The following ACTR10 variants were observed in gnomAD, a reference collection of about 807,000 sequenced individuals.
ACTR10 encodes the protein actin related protein 10.
A neutral mutation model predicts 56.2 loss-of-function variants in ACTR10; 43 were observed. The observed-to-expected ratio is 0.77, with a 90% CI of 0.60 to 0.99. ACTR10 has a LOEUF of 0.99. ACTR10 is among the 50% of genes least tolerant of loss of function. The pLI, the probability that ACTR10 is intolerant of heterozygous loss-of-function variation, is 0.00. For missense variants in ACTR10, 466 were observed against 507.8 expected, an observed-to-expected ratio of 0.92 and a Z score of 0.79; for synonymous variants, 170 against 176.3, an observed-to-expected ratio of 0.96 and a Z score of 0.28.
Position 58,211,187 on chromosome 14 carries a change from A to G in ACTR10, c.343-105A>G, listed in dbSNP as rs1047485815. On this transcript the variant is annotated intron_variant, in intron 4 of 12. Transcript: ENST00000254286. ...AGTAGGTATCACCATATAAATTAATATAATGTTCCTGTGAATTTTTTCAAA... is the reference window on the plus strand; with the variant it reads ...AGTAGGTATCACCATATAAATTAATGTAATGTTCCTGTGAATTTTTTCAAA... The G allele has an allele frequency of 8.8e-6, 7 of 793,274 alleles. No individual in the cohort carries two copies. In the African/African-American group the frequency reaches 1.0e-4, roughly 12 times the overall value. 49.1% of individuals were successfully genotyped at this position (793,274 alleles called of 1,614,324 possible). A position where few individuals can be genotyped will look rare whatever the true frequency, so the allele number is the denominator to read the frequency against.
At chr14:58,227,667 C>T (rs192163750) in intron 10 of ACTR10, among the ~76,000 whole-genome samples, 3 of 152,262 alleles carry the variant, frequency 2.0e-5, no homozygotes, top group Admixed American at 1.3e-4. Context: ...CAGCTATGCC[C>T]GTTCAGCATA....
intron 7 of ACTR10, among the ~76,000 whole-genome samples, chr14:58,216,004 A>T: frequency 7.2e-6 from 1 of 139,532 alleles, no homozygotes; most frequent in African/African-American, 2.7e-5. Context: ...CTTCCACACC[A>T]TTGAACACCC....
At chr14:58,217,311 C>T (rs1219865104) in intron 7 of ACTR10, among the ~76,000 whole-genome samples, 1 of 152,154 alleles carries the variant, frequency 6.6e-6, no homozygotes, top group African/African-American at 2.4e-5. Context: ...GCCATGCAGT[C>T]CTACAAAATT....
chr14:58,232,351 A>G (rs1566631990), intron 12 of ACTR10, 84 bp downstream of exon 12: 1 of 1,024,218 alleles, frequency 9.8e-7, no homozygotes. Flanking sequence ...TAGAATAAAT[A>G]ATTCAGGGTT....
rs765131029 is a variant in ACTR10, at chr14:58,230,495, C to A, written c.870+15C>A. The stretch of plus-strand genomic sequence containing the variant: ...CCCTTATACAGGTATTTTATCTTGT[C>A]AAAAAATTCCCTTTATTACCACAGT... On this transcript the variant is annotated intron_variant, in intron 11 of 12. Transcript: ENST00000254286. The A allele has an allele frequency of 5.0e-6, 7 of 1,400,888 alleles. No individual in the cohort carries two copies. Among genetic ancestry groups the A allele is most frequent in the Non-Finnish European group, 6.7e-6 (7 of 1,045,328 alleles). The allele number at this position is 1,400,888 out of a possible 1,614,324, so 86.8% of individuals were successfully genotyped here. A position where few individuals can be genotyped will look rare whatever the true frequency, so the allele number is the denominator to read the frequency against.
chr14:58,209,021 G>T lies in ACTR10; in HGVS notation c.256G>T (p.Asp86Tyr). 1 of 1,611,962 alleles carries T rather than the reference G, an allele frequency of 6.2e-7. No individual in the cohort carries two copies. The highest frequency in any genetic ancestry group is 1.1e-5 in the South Asian group (1 of 90,614). Residue 86 changes from aspartate (D) to tyrosine (Y), a missense_variant, in exon 4 of 13, where the codon GAC (aspartate) becomes TAC (tyrosine). Asp to Tyr is a radical substitution (Grantham distance 160, BLOSUM62 -3). Coordinates refer to ENST00000254286, the MANE Select transcript of ACTR10 (RefSeq NM_018477.3). ...CAGGCATCTATTGGTGAATCCCAGA[G>T]ACCGCCGAGTTGTGATTATCGAATC... ...YFRHLLVNPR[D>Y]RRVVIIESVL... is the part of the protein sequence containing the mutation.
In ACTR10 at chr14:58,215,813, C is replaced by T. The variant is rs183836971; in HGVS notation, c.598+529C>T. Among the ~76,000 whole-genome samples, 1,429 of 152,168 alleles carry T rather than the reference C, an allele frequency of 9.4e-3. 11 individuals are homozygous for T. The highest frequency in any genetic ancestry group is 0.016 in the Non-Finnish European group (1,074 of 67,994). On this transcript the variant is annotated intron_variant, in intron 7 of 12. Coordinates refer to ENST00000254286, the MANE Select transcript of ACTR10 (RefSeq NM_018477.3). ...AGACTGTGCATGTCTCTAGGCACCT[C>T]AAACTTAAGATTTCCAAAAGTGAAT... is the stretch of plus-strand genomic sequence containing the variant.
intron 8 of ACTR10, among the ~76,000 whole-genome samples, chr14:58,220,812 A>T (rs759108466): frequency 2.0e-5 from 3 of 152,224 alleles, no homozygotes; most frequent in Non-Finnish European, 2.9e-5. Flanking sequence ...ATTTATGAAA[A>T]TTCAAAGTGT....
intron 7 of ACTR10, chr14:58,219,446 T>G (rs1451170832): frequency 6.0e-6 from 2 of 330,816 alleles, no homozygotes; most frequent in Non-Finnish European, 1.1e-5. Flanking sequence ...CAACTATTTA[T>G]TATCACCAGA....
chr14:58,218,097 C>G (rs1377778898), intron 7 of ACTR10, among the ~76,000 whole-genome samples: 1 of 152,176 alleles, frequency 6.6e-6, no homozygotes, highest in African/African-American at 2.4e-5. Context: ...TATTTCCAGG[C>G]CTGCCTTACA....
chr14:58,216,111 G>A (rs969085931), intron 7 of ACTR10, among the ~76,000 whole-genome samples: 2 of 151,760 alleles, frequency 1.3e-5, no homozygotes, highest in African/African-American at 4.8e-5. Context: ...CTGTTGCCAG[G>A]AATAACTTTC....
intron 8 of ACTR10, among the ~76,000 whole-genome samples, chr14:58,221,239 C>T (rs532331409): frequency 3.7e-4 from 55 of 148,200 alleles, no homozygotes; most frequent in African/African-American, 1.3e-3. Flanking sequence ...GCCAAGATCG[C>T]GCCACTGCAC....
chr14:58,218,538 T>C (rs1469069866), intron 7 of ACTR10, among the ~76,000 whole-genome samples: 2 of 152,090 alleles, frequency 1.3e-5, no homozygotes, highest in East Asian at 1.9e-4. Flanking sequence ...TTACTAAAGA[T>C]AAAAATCTTT....
At chr14:58,217,334 C>G (rs911592815) in intron 7 of ACTR10, among the ~76,000 whole-genome samples, 9 of 152,244 alleles carry the variant, frequency 5.9e-5, no homozygotes, top group Admixed American at 5.2e-4. Flanking sequence ...GGAATCAAAT[C>G]ATACAAATAT....
chr14:58,228,681 C>CT lies in ACTR10; in HGVS notation c.789-1680dup, dbSNP rs35498207. The stretch of plus-strand genomic sequence containing the variant: ...TAACTACATCTAGTTGCAAGACAGA[C>CT]TTTTTTTTTTTTTTTTTTTTTTTTT... On this transcript the variant is annotated intron_variant, in intron 10 of 12. Coordinates refer to ENST00000254286, the MANE Select transcript of ACTR10 (RefSeq NM_018477.3). Among the ~76,000 whole-genome samples the CT allele has an allele frequency of 2.1e-3, 87 of 40,784 alleles. 31 individuals carry two copies. The highest frequency in any genetic ancestry group is 3.5e-3 in the Non-Finnish European group (70 of 20,280). 26.8% of individuals were successfully genotyped at this position (40,784 alleles called of 152,430 possible).
At chr14:58,233,072 C>T (rs1889585425) in intron 12 of ACTR10, among the ~76,000 whole-genome samples, 1 of 151,828 alleles carries the variant, frequency 6.6e-6, no homozygotes, top group African/African-American at 2.4e-5. Context: ...AGGGTTTCTC[C>T]ATGTTGGTCA....
intron 10 of ACTR10, 25 bp downstream of exon 10, chr14:58,223,881 A>G: frequency 6.4e-7 from 1 of 1,559,976 alleles, no homozygotes; most frequent in Non-Finnish European, 8.8e-7. Context: ...TTTTACGGCA[A>G]AGTAGTAAAC....
At chr14:58,215,167 A>G (rs768408784) in intron 6 of ACTR10, 38 bp from the exon 7 acceptor site, 2 of 1,299,052 alleles carry the variant, frequency 1.5e-6, no homozygotes, top group Non-Finnish European at 2.2e-6. Flanking sequence ...ATCAGTTTCA[A>G]TATTTTCATT....
intron 5 of ACTR10, 22 bp from the exon 6 acceptor site, chr14:58,213,609 A>G (rs1183340438): frequency 1.3e-6 from 2 of 1,532,944 alleles, no homozygotes; most frequent in Non-Finnish European, 1.8e-6. Context: ...CTAAAATAGT[A>G]GTATCCTTGA....
Sources: gnomAD v4.1 joint callset for allele counts (sites outside exome capture counted in the v4.1 genomes callset) on GRCh38, gnomAD v4.1.1 for gene constraint, MANE v1.5 for transcripts, NCBI Gene and HGNC (gene_info 2026-07-23, HGNC 2026-07-21) for gene names.